The following STMN2 variants were observed in gnomAD, a reference collection of about 807,000 sequenced individuals.
STMN2 encodes the protein stathmin 2, also known as stathmin-2.
Under a neutral mutation model 24.1 loss-of-function variants are expected in STMN2, and 2 were observed. That is an observed-to-expected ratio of 0.08 (90% confidence interval 0.03 to 0.26). The LOEUF (loss-of-function observed/expected upper bound fraction) is 0.26. STMN2 is among the 10% of genes least tolerant of loss of function. The pLI, the probability that STMN2 is intolerant of heterozygous loss-of-function variation, is 1.00. For missense variants in STMN2, 114 were observed against 213.6 expected (o/e 0.53, Z 2.91); for synonymous variants, 83 against 77.5 (o/e 1.07, Z -0.37).
chr8:79,646,322 C>T (rs919467269), intron 3 of STMN2, among the ~76,000 whole-genome samples: 8 of 151,686 alleles, frequency 5.3e-5, no homozygotes, highest in Non-Finnish European at 8.8e-5. Flanking sequence ...GGAGAAAGAG[C>T]TAATAAATAC....
intron 4 of STMN2, among the ~76,000 whole-genome samples, chr8:79,664,189 G>C (rs1806555832): frequency 6.6e-6 from 1 of 152,244 alleles, no homozygotes; most frequent in Admixed American, 6.5e-5. Flanking sequence ...TGGAGAAAAG[G>C]ACAATGGTCA....
At chr8:79,662,023 A>G (rs1400767017) in intron 4 of STMN2, among the ~76,000 whole-genome samples, 1 of 152,128 alleles carries the variant, frequency 6.6e-6, no homozygotes, top group Non-Finnish European at 1.5e-5. Context: ...GTCCTTGTTT[A>G]TATTTGATAC....
chr8:79,653,124 T>C (rs573616741), intron 3 of STMN2, among the ~76,000 whole-genome samples: 49 of 152,124 alleles, frequency 3.2e-4, no homozygotes, highest in African/African-American at 1.1e-3. Context: ...ACACCTATAA[T>C]CCCAGTACTT....
At chr8:79,645,753 G>T (rs1018091445) in intron 3 of STMN2, among the ~76,000 whole-genome samples, 1 of 151,998 alleles carries the variant, frequency 6.6e-6, no homozygotes, top group Admixed American at 6.5e-5. Context: ...TTCTATTTCA[G>T]TTCCTCACTG....
chr8:79,649,226 T>C (rs1301810280), intron 3 of STMN2, among the ~76,000 whole-genome samples: 2 of 151,728 alleles, frequency 1.3e-5, no homozygotes, highest in Non-Finnish European at 2.9e-5. Flanking sequence ...ATTCACCGCT[T>C]GACATTCAGG....
At chr8:79,648,388 G>T (rs564575328) in intron 3 of STMN2, among the ~76,000 whole-genome samples, 2 of 148,452 alleles carry the variant, frequency 1.3e-5, no homozygotes, top group Admixed American at 6.7e-5. Context: ...GCAAACTCAT[G>T]ATTTTATAAA....
Position 79,624,270 on chromosome 8 carries a change from C to T in STMN2, c.20-12532C>T, listed in dbSNP as rs947447908. 1.4e-4 allele frequency among the ~76,000 whole-genome samples: 21 copies of T among 151,608 alleles called. No homozygotes were observed. The East Asian group carries it at 1.8e-3, about 13-fold the overall frequency. ...GAGATCGAGACCATCCTGGCTAACA[C>T]GGTGAAACCCCGTCTCTACTAAAAG... On this transcript the variant is annotated intron_variant, in intron 1 of 4. Transcript: ENST00000220876.
intron 1 of STMN2, among the ~76,000 whole-genome samples, chr8:79,622,346 T>C (rs1158375861): frequency 6.6e-6 from 1 of 152,160 alleles, no homozygotes; most frequent in Non-Finnish European, 1.5e-5. Flanking sequence ...AAATACTAAA[T>C]AAAAATAATA....
At chr8:79,613,403 C>T in intron 1 of STMN2, 1 of 985,448 alleles carries the variant, frequency 1.0e-6, no homozygotes, top group Non-Finnish European at 1.2e-6. Flanking sequence ...GGCGCTCGCC[C>T]CCGCGGTGCA....
chr8:79,657,012 T>C (rs1371864081), intron 4 of STMN2, among the ~76,000 whole-genome samples: 1 of 152,196 alleles, frequency 6.6e-6, no homozygotes, highest in Non-Finnish European at 1.5e-5. Flanking sequence ...TAGCTGAGAT[T>C]ACAGGCGTAT....
chr8:79,624,216 T>A (rs896308715), intron 1 of STMN2, among the ~76,000 whole-genome samples: 21 of 151,744 alleles, frequency 1.4e-4, no homozygotes, highest in South Asian at 4.2e-4. Context: ...GCACTTTGGG[T>A]GGCCGAGGCG....
At chr8:79,620,362 G>A (rs1057403249) in intron 1 of STMN2, among the ~76,000 whole-genome samples, 15 of 151,906 alleles carry the variant, frequency 9.9e-5, no homozygotes, top group African/African-American at 3.6e-4. Flanking sequence ...CATGCACAGT[G>A]AGAATAGTCA....
intron 1 of STMN2, among the ~76,000 whole-genome samples, chr8:79,626,854 G>A (rs988787763): frequency 4.6e-5 from 7 of 152,302 alleles, no homozygotes; most frequent in African/African-American, 1.7e-4. Flanking sequence ...CGAAACCATG[G>A]AGAAGTAAGG....
At chr8:79,661,469 T>C (rs1053670106) in intron 4 of STMN2, among the ~76,000 whole-genome samples, 1 of 152,142 alleles carries the variant, frequency 6.6e-6, no homozygotes, top group Non-Finnish European at 1.5e-5. Context: ...TTTCTTGTGA[T>C]TCTGATGCAC....
At chr8:79,647,343 TG>T (rs1420701883) in intron 3 of STMN2, among the ~76,000 whole-genome samples, 4 of 152,184 alleles carry the variant, frequency 2.6e-5, no homozygotes, top group African/African-American at 9.7e-5. Flanking sequence ...ATGTGAAATA[TG>T]ATTTCTGTTA....
At chr8:79,645,891 G>A (rs544078108) in intron 3 of STMN2, among the ~76,000 whole-genome samples, 1 of 152,098 alleles carries the variant, frequency 6.6e-6, no homozygotes, top group South Asian at 2.1e-4. Context: ...GTATATATAT[G>A]CATATGTATT....
intron 2 of STMN2, among the ~76,000 whole-genome samples, chr8:79,640,958 G>A (rs976788845): frequency 3.3e-5 from 5 of 152,120 alleles, no homozygotes; most frequent in East Asian, 1.9e-4. Flanking sequence ...GAAGAACTCC[G>A]TTATGTTTCT....
intron 1 of STMN2, among the ~76,000 whole-genome samples, chr8:79,618,719 A>G (rs1031318325): frequency 6.6e-6 from 1 of 152,184 alleles, no homozygotes; most frequent in African/African-American, 2.4e-5. Context: ...TTTATTAGTC[A>G]TGATTAAAGA....
chr8:79,614,363 A>T (rs1809332430), intron 1 of STMN2, among the ~76,000 whole-genome samples: 1 of 152,232 alleles, frequency 6.6e-6, no homozygotes, highest in Non-Finnish European at 1.5e-5. Context: ...TATCTTTTCT[A>T]ATGAAGTGGG....
Sources: gnomAD v4.1 joint callset for allele counts (sites outside exome capture counted in the v4.1 genomes callset) on GRCh38, gnomAD v4.1.1 for gene constraint, MANE v1.5 for transcripts, NCBI Gene and HGNC (gene_info 2026-07-23, HGNC 2026-07-21) for gene names.